PPM1E: variants seen among roughly 807,000 people sequenced by gnomAD.
PPM1E encodes protein phosphatase, Mg2+/Mn2+ dependent 1E, also known as protein phosphatase 1E.
Under a neutral mutation model 65.9 loss-of-function variants are expected in PPM1E, and 20 were observed. The observed-to-expected ratio is 0.30, with a 90% confidence interval of 0.21 to 0.44. PPM1E has a LOEUF of 0.44. Ranked by LOEUF, PPM1E falls within the 20% of genes least tolerant of loss-of-function variation. PPM1E has a pLI of 1.00. For missense variants in PPM1E, 713 were observed against 953.1 expected (o/e 0.75, Z 3.32); for synonymous variants, 352 against 374.9 (o/e 0.94, Z 0.70).
intron 1 of PPM1E, among the ~76,000 whole-genome samples, chr17:58,952,189 G>T (rs1198299126): frequency 6.6e-6 from 1 of 152,198 alleles, no homozygotes; most frequent in Admixed American, 6.5e-5. Context: ...CTTTACTGGG[G>T]TTGGGACCAT....
intron 1 of PPM1E, among the ~76,000 whole-genome samples, chr17:58,930,480 A>G (rs1261218721): frequency 6.6e-6 from 1 of 152,102 alleles, no homozygotes; most frequent in East Asian, 1.9e-4. Context: ...AGAAAAGAAA[A>G]ACTGAATAAT....
At chr17:58,938,683 A>G (rs1169711507) in intron 1 of PPM1E, among the ~76,000 whole-genome samples, 4 of 152,090 alleles carry the variant, frequency 2.6e-5, no homozygotes, top group East Asian at 3.9e-4. Flanking sequence ...GGATTCTCCT[A>G]TGACTGGGCC....
chr17:58,836,937 G>A (rs373974051), intron 1 of PPM1E, among the ~76,000 whole-genome samples: 42 of 148,266 alleles, frequency 2.8e-4, no homozygotes, highest in African/African-American at 9.7e-4. Context: ...GGAGAATGGC[G>A]TGAACCCGGG....
At chr17:58,756,691 C>T (rs1431858505) in intron 1 of PPM1E, among the ~76,000 whole-genome samples, 1 of 151,880 alleles carries the variant, frequency 6.6e-6, no homozygotes, top group Non-Finnish European at 1.5e-5. Context: ...TCCTACCCGG[C>T]CTTGAAGCCG....
intron 1 of PPM1E, among the ~76,000 whole-genome samples, chr17:58,837,729 C>T (rs62083377): frequency 6.6e-6 from 1 of 152,102 alleles, no homozygotes. Context: ...ATCTCCTGAC[C>T]TCAGGTGATC....
intron 6 of PPM1E, among the ~76,000 whole-genome samples, chr17:58,977,080 C>A (rs1393745738): frequency 6.6e-6 from 1 of 151,900 alleles, no homozygotes; most frequent in Admixed American, 6.6e-5. Context: ...TATGGAGGCA[C>A]CTTAGCATAT....
chr17:58,969,430 G>A, intron 3 of PPM1E, 109 bp from the exon 4 acceptor site: 1 of 1,038,612 alleles, frequency 9.6e-7, no homozygotes, highest in Non-Finnish European at 1.5e-6. Flanking sequence ...TATTCTGAAT[G>A]ACAAATGCAG....
intron 1 of PPM1E, among the ~76,000 whole-genome samples, chr17:58,904,891 T>C (rs898913874): frequency 1.4e-4 from 20 of 147,382 alleles, no homozygotes; most frequent in Admixed American, 8.8e-4. Flanking sequence ...GATGTGGTGG[T>C]GTATGCCTGT....
chr17:58,880,950 A>G (rs1455098210), intron 1 of PPM1E, among the ~76,000 whole-genome samples: 1 of 152,144 alleles, frequency 6.6e-6, no homozygotes, highest in African/African-American at 2.4e-5. Context: ...ACAACATGCA[A>G]TATTCATTTC....
intron 1 of PPM1E, among the ~76,000 whole-genome samples, chr17:58,927,811 C>G (rs1188803635): frequency 2.0e-5 from 3 of 152,022 alleles, no homozygotes; most frequent in Admixed American, 2.0e-4. Context: ...GTAATCCCAG[C>G]ACTTTGGGAG....
intron 1 of PPM1E, among the ~76,000 whole-genome samples, chr17:58,954,595 T>C (rs2029864876): frequency 6.6e-6 from 1 of 152,112 alleles, no homozygotes; most frequent in Non-Finnish European, 1.5e-5. Flanking sequence ...GGTTCTGTAT[T>C]GGCCAGGCGC....
chr17:58,963,420 G>C (rs971375492), intron 2 of PPM1E, among the ~76,000 whole-genome samples: 24 of 149,528 alleles, frequency 1.6e-4, no homozygotes, highest in African/African-American at 5.7e-4. Flanking sequence ...CGGGCACAGT[G>C]GCTCACGCCT....
chr17:58,825,781 G>C (rs1162395261), intron 1 of PPM1E, among the ~76,000 whole-genome samples: 1 of 151,704 alleles, frequency 6.6e-6, no homozygotes, highest in East Asian at 2.0e-4. Context: ...TGTTGGCCAG[G>C]CTGGTCTCAA....
intron 1 of PPM1E, among the ~76,000 whole-genome samples, chr17:58,907,203 G>A (rs1011373915): frequency 1.1e-4 from 17 of 151,692 alleles, no homozygotes; most frequent in African/African-American, 2.9e-4. Context: ...CCAGGATCGC[G>A]CCACCGTACT....
chr17:58,756,011 T>C lies in PPM1E; in HGVS notation c.14T>C (p.Ile5Thr), dbSNP rs770016598. 5 of 1,613,852 alleles carry C rather than the reference T, an allele frequency of 3.1e-6. No homozygotes were observed. In the Admixed American group the frequency reaches 5.0e-5, roughly 16 times the overall value. The change falls in exon 1 of 7, where the codon ATC becomes ACC. Residue 5 changes from isoleucine (I) to threonine (T), a missense_variant. Ile to Thr is a moderately conservative substitution (Grantham distance 89). This residue lies in a region of PPM1E where 212 missense variants were observed against 204.0 expected (regional missense o/e 1.04). Coordinates refer to ENST00000308249, the MANE Select transcript of PPM1E (RefSeq NM_014906.5). Reference sequence around the variant, plus strand: ...GCATGAGCAGCGATGGCCGGCTGCATCCCTGAGGAGAAAACTTACCGGCGC... The same window carrying C: ...GCATGAGCAGCGATGGCCGGCTGCACCCCTGAGGAGAAAACTTACCGGCGC... The part of the protein sequence containing the change: MAGC[I>T]PEEKTYRRFL...
intron 1 of PPM1E, among the ~76,000 whole-genome samples, chr17:58,805,961 CAAA>C (rs71367632): frequency 1.4e-5 from 1 of 69,834 alleles, no homozygotes; most frequent in African/African-American, 5.6e-5. Context: ...AAAAAAAAAA[CAAA>C]AAAAAAAAAC....
chr17:58,785,458 T>TTTTATATATATATATATATATA (rs1428055897), intron 1 of PPM1E: 3 of 88,990 alleles, frequency 3.4e-5, no homozygotes, highest in Non-Finnish European at 6.1e-5. Context: ...CCTGGCTAAT[T>TTTTATATATATATATATATATA]TATATATATA....
chr17:58,845,776 G>C (rs994756362), intron 1 of PPM1E, among the ~76,000 whole-genome samples: 1 of 152,132 alleles, frequency 6.6e-6, no homozygotes, highest in Non-Finnish European at 1.5e-5. Flanking sequence ...CTCCTCCCAC[G>C]TTCAAGAGAT....
chr17:58,959,484 AGCT>A (rs1010275240), intron 2 of PPM1E, among the ~76,000 whole-genome samples: 1 of 151,834 alleles, frequency 6.6e-6, no homozygotes, highest in Non-Finnish European at 1.5e-5. Flanking sequence ...CTGTAGTCCC[AGCT>A]ACTCAGGAGG....
Sources: gnomAD v4.1 joint callset for allele counts (sites outside exome capture counted in the v4.1 genomes callset) on GRCh38, gnomAD v4.1.1 for gene constraint, gnomAD v4.1.1 regional missense constraint, MANE v1.5 for transcripts, NCBI Gene and HGNC (gene_info 2026-07-23, HGNC 2026-07-21) for gene names.